The following GCNT3 variants were observed in gnomAD, a reference collection of about 807,000 sequenced individuals.
GCNT3 encodes glucosaminyl (N-acetyl) transferase 3, mucin type.
For synonymous variants in GCNT3, 269 were observed against 195.2 expected (o/e 1.38, Z -3.15); for missense variants, 708 against 530.3 (o/e 1.34, Z -3.29).
rs1469995521 is a variant in GCNT3, at chr15:59,619,148, G to A, written c.910G>A (p.Asp304Asn). 11 of 1,613,996 alleles carry A rather than the reference G, an allele frequency of 6.8e-6. No individual in the cohort carries two copies. The East Asian group carries it at 1.3e-4, about 20-fold the overall frequency. The change falls in exon 3 of 3, where the codon GAT (aspartate) becomes AAT (asparagine). Residue 304 changes from aspartate to asparagine, a missense_variant. Coordinates refer to ENST00000396065, the MANE Select transcript of GCNT3 (RefSeq NM_004751.3). Reference protein sequence around the residue: ...TGNAYIVASRDFVQHVLKNPK... With the variant: ...TGNAYIVASRNFVQHVLKNPK... Reference sequence around the variant, plus strand: ...GAATGCGTACATTGTGGCTTCCCGAGATTTCGTCCAACATGTTTTGAAGAA... The same window carrying A: ...GAATGCGTACATTGTGGCTTCCCGAAATTTCGTCCAACATGTTTTGAAGAA...
chr15:59,617,472 T>C (rs2082725251), intron 2 of GCNT3, among the ~76,000 whole-genome samples: 1 of 152,176 alleles, frequency 6.6e-6, no homozygotes, highest in Admixed American at 6.5e-5. Flanking sequence ...GTGAAGGTTA[T>C]TAAATGGGAC....
Position 59,621,586 on chromosome 15 carries a change from A to ATTTTTTTTTTTTTTTTTTTTT in GCNT3, c.*2036_*2037insTTTTTTTTTTTTTTTTTTTTT, listed in dbSNP as rs72144814. On this transcript the variant is annotated 3_prime_UTR_variant, in exon 3 of 3. Coordinates refer to ENST00000396065, the MANE Select transcript of GCNT3 (RefSeq NM_004751.3). Reference sequence around the variant, plus strand: ...TCATTAATATGTTTCTTCCTTTCTGATTTTTGTTTTTTTTTTTTTTTTTGA... The same window carrying ATTTTTTTTTTTTTTTTTTTTT: ...TCATTAATATGTTTCTTCCTTTCTGATTTTTTTTTTTTTTTTTTTTTTTTTTGTTTTTTTTTTTTTTTTTGA... 2 of 90,846 alleles carry ATTTTTTTTTTTTTTTTTTTTT rather than the reference A, an allele frequency of 2.2e-5. 1 individual carries two copies. The highest frequency in any genetic ancestry group is 8.4e-5 in the African/African-American group (2 of 23,824). The allele number at this position is 90,846 out of a possible 1,614,324, so 5.6% of individuals were successfully genotyped here.
intron 1 of GCNT3, among the ~76,000 whole-genome samples, chr15:59,612,805 C>T (rs1456632048): frequency 3.3e-5 from 5 of 152,150 alleles, no homozygotes; most frequent in Admixed American, 3.3e-4. Context: ...TCTCCTGTAC[C>T]TCCCTGGGGT....
intron 1 of GCNT3, among the ~76,000 whole-genome samples, chr15:59,615,993 T>G (rs2082717968): frequency 1.3e-5 from 2 of 152,212 alleles, no homozygotes; most frequent in Admixed American, 1.3e-4. Flanking sequence ...TGTCAGCAGC[T>G]TTGAAGAAGG....
At position 59,618,950 on chromosome 15, in the gene GCNT3, G is replaced by GA. The variant is rs1456633906; in HGVS notation, c.713dup (p.Met239AspfsTer13). On this transcript the variant is annotated frameshift_variant, in exon 3 of 3. Transcript: ENST00000396065. LOFTEE classifies it low-confidence loss of function (END_TRUNC). ...GGACTTTCCTATAAAGAGCAATGCA[G>GA]AGATGGTCCAGGCTCTCAAGATGTT... is the stretch of plus-strand genomic sequence containing the variant. 4 of 1,613,996 alleles carry GA rather than the reference G, an allele frequency of 2.5e-6. No homozygotes were observed. The highest frequency in any genetic ancestry group is 3.4e-6 in the Non-Finnish European group (4 of 1,180,004).
Position 59,619,524 on chromosome 15 carries a change from G to A in GCNT3, c.1286G>A (p.Arg429His), listed in dbSNP as rs375933844. 1.6e-5 allele frequency: 26 copies of A among 1,605,302 alleles called. No individual in the cohort carries two copies. Among genetic ancestry groups the A allele is most frequent in the Non-Finnish European group, 2.2e-5 (26 of 1,173,642 alleles). The stretch of plus-strand genomic sequence containing the variant: ...CTTCAGTGCTTAGAAGAATACCTAC[G>A]TTATAAGGCCATCTATGGGACTGAA... ...NALQCLEEYL[R>H]YKAIYGTEL The change falls in exon 3 of 3, where the codon CGT (arginine) becomes CAT (histidine). Residue 429 changes from arginine (R) to histidine (H), a missense_variant. Physicochemically the swap from Arg to His is conservative, Grantham distance 29 (BLOSUM62 0). Coordinates refer to ENST00000396065, the MANE Select transcript of GCNT3 (RefSeq NM_004751.3).
Position 59,618,393 on chromosome 15 carries a change from G to T in GCNT3, c.155G>T (p.Cys52Phe). ...TCCAGGGAATCTCAAAGCCAGTACT[G>T]TAGGAATATCTTGTATAATTTCCTG... ...LESRESQSQY[C>F]RNILYNFLKL... The change falls in exon 3 of 3, where the codon TGT (cysteine) becomes TTT (phenylalanine). Residue 52 changes from cysteine to phenylalanine, a missense_variant. Cys to Phe is a radical substitution (Grantham distance 205, BLOSUM62 -2). Transcript: ENST00000396065. The T allele has an allele frequency of 6.2e-7, 1 of 1,614,122 alleles. No homozygotes were observed. Among genetic ancestry groups the T allele is most frequent in the East Asian group, 2.2e-5 (1 of 44,880 alleles).
At position 59,620,008 on chromosome 15, in the gene GCNT3, A is replaced by G; in HGVS notation, c.*453A>G. The G allele has an allele frequency of 5.8e-6, 1 of 171,410 alleles. No homozygotes were observed. The allele number at this position is 171,410 out of a possible 1,614,324, so 10.6% of individuals were successfully genotyped here. The stretch of plus-strand genomic sequence containing the variant: ...TAAAAATAAATAGCTCCTGATTCAA[A>G]GTATTACCTCTACTTTTTGCCTAGT... On this transcript the variant is annotated 3_prime_UTR_variant, in exon 3 of 3. Transcript: ENST00000396065.
intron 1 of GCNT3, among the ~76,000 whole-genome samples, chr15:59,612,379 C>G (rs1313158996): frequency 2.0e-5 from 3 of 152,166 alleles, no homozygotes; most frequent in African/African-American, 2.4e-5. Flanking sequence ...TAGGAAAACT[C>G]AGGACTGGGT....
At chr15:59,615,014 T>C (rs1357679691) in intron 1 of GCNT3, 1 of 152,222 alleles carries the variant, frequency 6.6e-6, no homozygotes, top group Non-Finnish European at 1.5e-5. Flanking sequence ...AAGGCAACTC[T>C]GACTCATCTC....
chr15:59,618,146 G>C (rs2082728075), intron 2 of GCNT3, 33 bp from the exon 3 acceptor site: 1 of 697,658 alleles, frequency 1.4e-6, no homozygotes, highest in East Asian at 2.5e-5. Context: ...GGAATGATTG[G>C]TTTGTAACTG....
chr15:59,618,925 G>A lies in GCNT3; in HGVS notation c.687G>A (p.Thr229=), dbSNP rs371193925. The A allele has an allele frequency of 4.2e-5, 68 of 1,613,934 alleles. No individual in the cohort carries two copies. Among genetic ancestry groups the A allele is most frequent in the Non-Finnish European group, 5.4e-5 (64 of 1,180,016 alleles). Residue 229 remains threonine, a synonymous_variant, in exon 3 of 3, where the codon ACG becomes ACA. Coordinates refer to ENST00000396065, the MANE Select transcript of GCNT3 (RefSeq NM_004751.3). ...AATACTTCCTGAATACATGTGGGACGGACTTTCCTATAAAGAGCAATGCAG... is the reference window on the plus strand; with the variant it reads ...AATACTTCCTGAATACATGTGGGACAGACTTTCCTATAAAGAGCAATGCAG... ...PWKYFLNTCG[T]DFPIKSNAEM...
intron 1 of GCNT3, among the ~76,000 whole-genome samples, chr15:59,615,738 A>G (rs1029452130): frequency 6.7e-6 from 1 of 150,340 alleles, no homozygotes; most frequent in African/African-American, 2.4e-5. Context: ...AAAAAAAAAA[A>G]TTATCTCCGC....
rs1890952466 is a variant in GCNT3 at position 59,622,361 on chromosome 15, A to G, written c.*2806A>G. On this transcript the variant is annotated 3_prime_UTR_variant, in exon 3 of 3. Coordinates refer to ENST00000396065, the MANE Select transcript of GCNT3 (RefSeq NM_004751.3). ...TTTTTGGTAAGGTTGTACTTCTTAG[A>G]TAATGGTCATTGTCACTACCAACTT... 1 of 151,950 alleles carries G rather than the reference A, an allele frequency of 6.6e-6. No homozygotes were observed. Among genetic ancestry groups the G allele is most frequent in the African/African-American group, 2.4e-5 (1 of 41,358 alleles). 9.4% of individuals were successfully genotyped at this position (151,950 alleles called of 1,614,324 possible).
At position 59,618,909 on chromosome 15, in the gene GCNT3, T is replaced by G; in HGVS notation, c.671T>G (p.Leu224Arg). ...LQSSVPWKYF[L>R]NTCGTDFPIK... The stretch of plus-strand genomic sequence containing the variant: ...AGCTCAGTGCCGTGGAAATACTTCC[T>G]GAATACATGTGGGACGGACTTTCCT... Residue 224 changes from leucine (L) to arginine (R), a missense_variant, in exon 3 of 3, where the codon CTG (leucine) becomes CGG (arginine). Transcript: ENST00000396065. 6.2e-7 allele frequency: 1 copy of G among 1,614,182 alleles called. No homozygotes were observed. The highest frequency in any genetic ancestry group is 8.5e-7 in the Non-Finnish European group (1 of 1,180,020).
At position 59,611,790 on chromosome 15, in the gene GCNT3, A is replaced by C. The variant is rs2082697575; in HGVS notation, c.-442A>C. ...CTCTCGCATTACTTCTCTGAGTCAG[A>C]GCCTCTTCTCTCTAAGTCACGGGAA... On this transcript the variant is annotated 5_prime_UTR_variant, in exon 1 of 3. Transcript: ENST00000396065. 6.6e-6 allele frequency: 1 copy of C among 152,130 alleles called. No homozygotes were observed. Among genetic ancestry groups the C allele is most frequent in the Admixed American group, 6.6e-5 (1 of 15,258 alleles). The allele number at this position is 152,130 out of a possible 1,614,324, so 9.4% of individuals were successfully genotyped here.
At position 59,619,693 on chromosome 15, in the gene GCNT3, G is replaced by T. The variant is rs3743119; in HGVS notation, c.*138G>T. On this transcript the variant is annotated 3_prime_UTR_variant, in exon 3 of 3. Coordinates refer to ENST00000396065, the MANE Select transcript of GCNT3 (RefSeq NM_004751.3). ...TTAGGATAAGAGGGCTGCTATTAGAGTGTGGGTAAGTAGATCTTTTGCCTT... is the reference window on the plus strand; with the variant it reads ...TTAGGATAAGAGGGCTGCTATTAGATTGTGGGTAAGTAGATCTTTTGCCTT... 619,532 of 678,068 alleles carry T rather than the reference G, an allele frequency of 0.91. 285,891 individuals carry two copies. The highest frequency in any genetic ancestry group is 0.96 in the Admixed American group (40,237 of 41,742). 42.0% of individuals were successfully genotyped at this position (678,068 alleles called of 1,614,324 possible). A position where few individuals can be genotyped will look rare whatever the true frequency, so the allele number is the denominator to read the frequency against.
At chr15:59,613,992 G>T (rs1489097558) in intron 1 of GCNT3, among the ~76,000 whole-genome samples, 1 of 152,138 alleles carries the variant, frequency 6.6e-6, no homozygotes, top group African/African-American at 2.4e-5. Flanking sequence ...CTCCAGCCTG[G>T]GTGACAGCGA....
chr15:59,614,694 CTGTTT>C (rs2082711689), intron 1 of GCNT3, among the ~76,000 whole-genome samples: 1 of 152,200 alleles, frequency 6.6e-6, no homozygotes, highest in African/African-American at 2.4e-5. Flanking sequence ...TTACTACAAT[CTGTTT>C]TATCAGCAAG....
Sources: gnomAD v4.1 joint callset for allele counts (sites outside exome capture counted in the v4.1 genomes callset) on GRCh38, gnomAD v4.1.1 for gene constraint, MANE v1.5 for transcripts, NCBI Gene and HGNC (gene_info 2026-07-23, HGNC 2026-07-21) for gene names.